Variants in LHFPL3 observed in about 807,000 individuals in gnomAD.
LHFPL3 encodes the protein LHFPL tetraspan subfamily member 3 protein.
LHFPL3 carries 5 observed loss-of-function variants against 19.3 expected under a neutral mutation model. That is an observed-to-expected ratio of 0.26 (90% CI 0.14 to 0.54). The LOEUF is 0.54. LHFPL3 is among the 20% of genes least tolerant of loss of function. LHFPL3 has a pLI of 0.94. For missense variants in LHFPL3, 249 were observed against 307.4 expected (o/e 0.81, Z 1.42); for synonymous variants, 133 against 126.2 (o/e 1.05, Z -0.36).
chr7:104,576,586 T>A (rs1395151727), intron 1 of LHFPL3, among the ~76,000 whole-genome samples: 1 of 152,214 alleles, frequency 6.6e-6, no homozygotes, highest in Non-Finnish European at 1.5e-5. Context: ...AACATAGATC[T>A]TCCTCCCAGG....
chr7:104,428,534 G>A (rs1198691200), intron 1 of LHFPL3, among the ~76,000 whole-genome samples: 1 of 152,034 alleles, frequency 6.6e-6, no homozygotes, highest in Non-Finnish European at 1.5e-5. Flanking sequence ...TTTTCTGCTT[G>A]ATGTTGAACC....
At chr7:104,680,418 A>T (rs900422757) in intron 1 of LHFPL3, among the ~76,000 whole-genome samples, 2 of 152,186 alleles carry the variant, frequency 1.3e-5, no homozygotes, top group Non-Finnish European at 2.9e-5. Context: ...GTGCCAGCAC[A>T]GGGGATTCAT....
At chr7:104,581,700 A>G (rs145001844) in intron 1 of LHFPL3, among the ~76,000 whole-genome samples, 55 of 152,160 alleles carry the variant, frequency 3.6e-4, no homozygotes, top group African/African-American at 1.3e-3. Context: ...CTTTTTCCAT[A>G]TAGATATCCT....
At chr7:104,491,294 G>C (rs1295200102) in intron 1 of LHFPL3, among the ~76,000 whole-genome samples, 1 of 152,172 alleles carries the variant, frequency 6.6e-6, no homozygotes, top group Admixed American at 6.5e-5. Flanking sequence ...TAACTTTTGG[G>C]CAAGCTTTAG....
chr7:104,703,953 A>G (rs1035201636), intron 1 of LHFPL3, among the ~76,000 whole-genome samples: 1 of 152,146 alleles, frequency 6.6e-6, no homozygotes, highest in Non-Finnish European at 1.5e-5. Flanking sequence ...CTTTTAATAT[A>G]TCACAATAAA....
intron 1 of LHFPL3, among the ~76,000 whole-genome samples, chr7:104,711,043 A>G (rs1439677223): frequency 6.6e-6 from 1 of 152,234 alleles, no homozygotes; most frequent in East Asian, 1.9e-4. Flanking sequence ...TGAAGTTTGA[A>G]CACACAGGTT....
At chr7:104,818,781 T>G (rs1404581787) in intron 2 of LHFPL3, among the ~76,000 whole-genome samples, 1 of 139,892 alleles carries the variant, frequency 7.1e-6, no homozygotes, top group Non-Finnish European at 1.5e-5. Flanking sequence ...CTTTCTCCTT[T>G]CTCTCTCTCT....
At chr7:104,490,755 A>G (rs1793326701) in intron 1 of LHFPL3, among the ~76,000 whole-genome samples, 1 of 152,192 alleles carries the variant, frequency 6.6e-6, no homozygotes, top group Non-Finnish European at 1.5e-5. Context: ...TATTGCTCAA[A>G]TTCTTTTTTC....
intron 1 of LHFPL3, among the ~76,000 whole-genome samples, chr7:104,648,990 T>C (rs1791979984): frequency 6.6e-6 from 1 of 152,234 alleles, no homozygotes. Context: ...AGGTCCTTTA[T>C]GTTCTTCCCC....
chr7:104,360,694 CGTGTGTGTGTGT>C (rs61216282), intron 1 of LHFPL3, among the ~76,000 whole-genome samples: 6,580 of 144,426 alleles, frequency 0.046, 363 homozygotes, highest in East Asian at 0.16. Context: ...AAAGTGCTTC[CGTGTGTGTGTGT>C]GTGTGTGTGT....
At chr7:104,425,268 A>G (rs1791822103) in intron 1 of LHFPL3, among the ~76,000 whole-genome samples, 2 of 152,152 alleles carry the variant, frequency 1.3e-5, no homozygotes, top group Admixed American at 1.3e-4. Flanking sequence ...CCAGTTATTG[A>G]TAATGACAAA....
chr7:104,385,032 T>A (rs1790910365), intron 1 of LHFPL3, among the ~76,000 whole-genome samples: 1 of 152,036 alleles, frequency 6.6e-6, no homozygotes, highest in Admixed American at 6.6e-5. Context: ...CCTCACGTTT[T>A]TTATGTGCCT....
intron 2 of LHFPL3, among the ~76,000 whole-genome samples, chr7:104,878,430 C>A (rs1230971351): frequency 6.6e-6 from 1 of 152,006 alleles, no homozygotes; most frequent in Non-Finnish European, 1.5e-5. Context: ...TCATGGTGAT[C>A]TGTGATCAGT....
At chr7:104,718,191 A>T (rs1312108446) in intron 1 of LHFPL3, among the ~76,000 whole-genome samples, 2 of 152,216 alleles carry the variant, frequency 1.3e-5, no homozygotes, top group Non-Finnish European at 2.9e-5. Flanking sequence ...AGTTTGGGTT[A>T]TGCAAGATGA....
chr7:104,576,450 G>A (rs968794596), intron 1 of LHFPL3, among the ~76,000 whole-genome samples: 1 of 152,090 alleles, frequency 6.6e-6, no homozygotes, highest in South Asian at 2.1e-4. Flanking sequence ...GGGAGCTGGT[G>A]GTGATTATAA....
chr7:104,733,250 C>G (rs1464420740), intron 1 of LHFPL3, among the ~76,000 whole-genome samples: 1 of 152,172 alleles, frequency 6.6e-6, no homozygotes, highest in African/African-American at 2.4e-5. Flanking sequence ...CTGCTTGGTA[C>G]AGAGCTGAAT....
intron 1 of LHFPL3, among the ~76,000 whole-genome samples, chr7:104,543,973 T>C (rs1317866240): frequency 6.7e-6 from 1 of 150,338 alleles, no homozygotes; most frequent in Non-Finnish European, 1.5e-5. Flanking sequence ...CAAACCACCA[T>C]GGCACACGTA....
At chr7:104,572,727 G>A (rs1024305865) in intron 1 of LHFPL3, among the ~76,000 whole-genome samples, 7 of 152,178 alleles carry the variant, frequency 4.6e-5, no homozygotes, top group African/African-American at 1.4e-4. Context: ...AAGTAGGTCA[G>A]TGTTTTCCTA....
intron 1 of LHFPL3, among the ~76,000 whole-genome samples, chr7:104,504,323 T>C (rs1469645925): frequency 3.9e-5 from 6 of 152,252 alleles, no homozygotes; most frequent in Admixed American, 1.3e-4. Flanking sequence ...ATTTACCTTA[T>C]GTTTATAAAC....
Sources: allele counts gnomAD v4.1 joint callset (sites outside exome capture counted in the v4.1 genomes callset), GRCh38; gene constraint gnomAD v4.1.1; transcripts MANE v1.5; gene names NCBI Gene and HGNC (gene_info 2026-07-23, HGNC 2026-07-21).